The following CFAP299 variants were observed in gnomAD, a reference collection of about 807,000 sequenced individuals.
CFAP299 encodes cilia and flagella associated protein 299, also known as cilia- and flagella-associated protein 299.
In CFAP299, 21 loss-of-function variants were observed where a neutral mutation model predicts 27.0. The observed-to-expected ratio is 0.78, with a 90% CI of 0.55 to 1.12. The LOEUF (loss-of-function observed/expected upper bound fraction) is 1.12. Among genes scored for constraint, CFAP299 ranks in the 50% most tolerant of loss-of-function variants. The probability of loss-of-function intolerance (pLI) is 0.00; values close to 1 mark genes in which losing one functional copy is unlikely to be tolerated. For synonymous variants in CFAP299, 104 were observed against 98.1 expected (o/e 1.06, Z -0.36); for missense variants, 310 against 276.6 (o/e 1.12, Z -0.86).
At chr4:80,414,929 T>C (rs995073352) in intron 2 of CFAP299, among the ~76,000 whole-genome samples, 5 of 152,234 alleles carry the variant, frequency 3.3e-5, no homozygotes, top group African/African-American at 1.2e-4. Flanking sequence ...AGGGTGGGAC[T>C]ATTCCCTTTT....
rs78420440 is a variant in CFAP299, at chr4:80,934,038, C to T, written c.477-10772C>T. On this transcript the variant is annotated intron_variant, in intron 4 of 5. Coordinates refer to ENST00000358105, the MANE Select transcript of CFAP299 (RefSeq NM_152770.3). ...GGAGAAAAAACTTTCGGATTTTCACCGTTTAATATGATGCTAGCTGTAGAT... is the reference window on the plus strand; with the variant it reads ...GGAGAAAAAACTTTCGGATTTTCACTGTTTAATATGATGCTAGCTGTAGAT... Among the ~76,000 whole-genome samples the T allele has an allele frequency of 3.6e-3, 551 of 152,062 alleles. 2 individuals carry two copies. The highest frequency in any genetic ancestry group is 0.012 in the African/African-American group (516 of 41,520).
intron 3 of CFAP299, among the ~76,000 whole-genome samples, chr4:80,839,734 GAA>G (rs879916064): frequency 7.2e-6 from 1 of 139,380 alleles, no homozygotes. Context: ...AAACTTCTTT[GAA>G]AAAAAAAAAA....
chr4:80,821,129 C>T (rs1202104095), intron 3 of CFAP299, among the ~76,000 whole-genome samples: 7 of 152,258 alleles, frequency 4.6e-5, no homozygotes, highest in African/African-American at 1.7e-4. Context: ...GTGATCCCTT[C>T]AGTAGAAATT....
chr4:80,426,457 C>T (rs1459290625), intron 2 of CFAP299, among the ~76,000 whole-genome samples: 2 of 152,244 alleles, frequency 1.3e-5, no homozygotes, highest in East Asian at 3.9e-4. Context: ...AGTAAATCTA[C>T]AAGCTAGAAT....
At chr4:80,855,416 A>C (rs1345177704) in intron 3 of CFAP299, among the ~76,000 whole-genome samples, 1 of 151,192 alleles carries the variant, frequency 6.6e-6, no homozygotes, top group Non-Finnish European at 1.5e-5. Flanking sequence ...ATTTATTTTT[A>C]TTATTATACT....
intron 3 of CFAP299, among the ~76,000 whole-genome samples, chr4:80,736,764 A>G (rs953844532): frequency 1.6e-4 from 24 of 152,210 alleles, no homozygotes; most frequent in African/African-American, 4.3e-4. Flanking sequence ...GTGATTCCTC[A>G]GGGATCTAGA....
At chr4:80,933,961 T>C (rs1169608931) in intron 4 of CFAP299, among the ~76,000 whole-genome samples, 1 of 152,182 alleles carries the variant, frequency 6.6e-6, no homozygotes, top group Non-Finnish European at 1.5e-5. Context: ...CTTACAGCAC[T>C]ACATTGAATA....
chr4:80,501,556 AATAT>A (rs896716504), intron 2 of CFAP299, among the ~76,000 whole-genome samples: 2 of 148,330 alleles, frequency 1.3e-5, no homozygotes, highest in African/African-American at 2.4e-5. Context: ...GTTAAGTATA[AATAT>A]ATAATTTATA....
chr4:80,405,516 A>G (rs957504726), intron 2 of CFAP299, among the ~76,000 whole-genome samples: 2 of 152,118 alleles, frequency 1.3e-5, no homozygotes, highest in Non-Finnish European at 1.5e-5. Context: ...CTCAGAATGT[A>G]TTTTGTATGT....
chr4:80,806,552 C>G (rs1475911794), intron 3 of CFAP299, among the ~76,000 whole-genome samples: 1 of 152,196 alleles, frequency 6.6e-6, no homozygotes, highest in Non-Finnish European at 1.5e-5. Flanking sequence ...ACATTACAAA[C>G]AAACCAGCAA....
intron 3 of CFAP299, among the ~76,000 whole-genome samples, chr4:80,836,693 A>C (rs1019943454): frequency 6.6e-6 from 1 of 152,150 alleles, no homozygotes; most frequent in Non-Finnish European, 1.5e-5. Flanking sequence ...CCTTATGTCA[A>C]GGAAAGTGAC....
chr4:80,370,782 C>T (rs1281428756), intron 2 of CFAP299, among the ~76,000 whole-genome samples: 1 of 152,252 alleles, frequency 6.6e-6, no homozygotes, highest in Non-Finnish European at 1.5e-5. Context: ...CAGCTGCTCT[C>T]ATGTGCTGGC....
chr4:80,607,196 G>C (rs1164346875), intron 3 of CFAP299, among the ~76,000 whole-genome samples: 1 of 152,112 alleles, frequency 6.6e-6, no homozygotes, highest in Non-Finnish European at 1.5e-5. Flanking sequence ...TTCTCAGGAA[G>C]AGTATAGCAA....
chr4:80,807,344 C>T (rs904002733), intron 3 of CFAP299, among the ~76,000 whole-genome samples: 7 of 151,902 alleles, frequency 4.6e-5, no homozygotes, highest in East Asian at 1.9e-4. Flanking sequence ...TGAATCACAA[C>T]GTCGGAATAC....
chr4:80,396,926 T>C (rs182084561), intron 2 of CFAP299, among the ~76,000 whole-genome samples: 1 of 152,346 alleles, frequency 6.6e-6, no homozygotes, highest in Non-Finnish European at 1.5e-5. Flanking sequence ...CTCCTTTTTC[T>C]ATTGATTGGA....
At position 80,362,799 on chromosome 4, in the gene CFAP299, A is replaced by C. The variant is rs551176588; in HGVS notation, c.157A>C (p.Thr53Pro). Residue 53 changes from threonine to proline, a missense_variant, in exon 2 of 6, where the codon ACT becomes CCT. By Grantham distance (38) the Thr-to-Pro change is conservative. Transcript: ENST00000358105. ...RQLVELGYRG[T>P]GERVKREDFE... ...GTTGGTGGAGCTAGGCTACCGAGGG[A>C]CTGGAGAGAGAGTGAAAAGGGAAGA... is the stretch of plus-strand genomic sequence containing the variant. The C allele has an allele frequency of 6.2e-7, 1 of 1,613,458 alleles. No individual in the cohort carries two copies. The highest frequency in any genetic ancestry group is 1.1e-5 in the South Asian group (1 of 90,956).
chr4:80,619,387 T>G (rs1229959232), intron 3 of CFAP299, among the ~76,000 whole-genome samples: 2 of 152,250 alleles, frequency 1.3e-5, no homozygotes, highest in Middle Eastern at 6.8e-3. Flanking sequence ...AATTAATCTT[T>G]CTGATTGTGC....
intron 3 of CFAP299, among the ~76,000 whole-genome samples, chr4:80,799,797 T>G (rs193219329): frequency 3.3e-5 from 1 of 30,180 alleles, no homozygotes; most frequent in African/African-American, 2.2e-4. Flanking sequence ...TATATTATAT[T>G]ATATAATATA....
At chr4:80,762,540 T>G (rs148013400) in intron 3 of CFAP299, among the ~76,000 whole-genome samples, 15 of 152,204 alleles carry the variant, frequency 9.9e-5, no homozygotes, top group African/African-American at 3.6e-4. Context: ...TTTCAGTAAG[T>G]TAGAGCATAA....
Sources: gnomAD v4.1 joint callset for allele counts (sites outside exome capture counted in the v4.1 genomes callset) on GRCh38, gnomAD v4.1.1 for gene constraint, MANE v1.5 for transcripts, NCBI Gene and HGNC (gene_info 2026-07-23, HGNC 2026-07-21) for gene names.